Variants in RAD17 observed in about 807,000 individuals in gnomAD.
RAD17 encodes cell cycle checkpoint protein RAD17.
RAD17 carries 31 observed loss-of-function variants against 81.5 expected under a neutral mutation model. The ratio of observed to expected loss-of-function variants is 0.38; its 90% CI spans 0.29 to 0.51. RAD17 has a LOEUF of 0.51. RAD17 is among the 20% of genes least tolerant of loss of function. The probability of loss-of-function intolerance (pLI) is 0.88; values close to 1 mark genes in which losing one functional copy is unlikely to be tolerated. For missense variants in RAD17, 681 were observed against 781.2 expected (o/e 0.87, Z 1.53); for synonymous variants, 261 against 266.2 (o/e 0.98, Z 0.19).
chr5:69,406,925 A>G (rs999276015), intron 17 of RAD17, among the ~76,000 whole-genome samples: 2 of 152,032 alleles, frequency 1.3e-5, no homozygotes, highest in South Asian at 4.1e-4. Flanking sequence ...CTATATATAT[A>G]TTAAAACAAT....
intron 17 of RAD17, among the ~76,000 whole-genome samples, chr5:69,406,682 T>G (rs985653087): frequency 6.6e-6 from 1 of 151,976 alleles, no homozygotes; most frequent in Non-Finnish European, 1.5e-5. Flanking sequence ...TTTGTATTTT[T>G]TTTTTGTAAG....
At chr5:69,369,631 C>A (rs768535687), upstream of RAD17, 1 of 1,566,744 alleles carries the variant, frequency 6.4e-7, no homozygotes, top group Non-Finnish European at 8.7e-7. Context: ...CCTGCCCCGG[C>A]GGCCCAGCCG....
rs369510585 is a variant in RAD17, at chr5:69,381,922, A to G, written c.373A>G (p.Thr125Ala). The change falls in exon 7 of 19, where the codon ACA becomes GCA. Residue 125 changes from threonine (T) to alanine (A), a missense_variant. Physicochemically the swap from Thr to Ala is moderately conservative, Grantham distance 58. Transcript: ENST00000354868. The stretch of plus-strand genomic sequence containing the variant: ...TTAGGGTGGATCTATTTTATTAATA[A>G]CAGGTCCTCCTGGATGTGGAAAGAC... Reference protein sequence around the residue: ...PKQGGSILLITGPPGCGKTTT... With the variant: ...PKQGGSILLIAGPPGCGKTTT... 1.4e-5 allele frequency: 22 copies of G among 1,601,730 alleles called. No homozygotes were observed. Among genetic ancestry groups the G allele is most frequent in the East Asian group, 2.2e-5 (1 of 44,742 alleles).
At chr5:69,402,498 A>G (rs573891679) in intron 17 of RAD17, among the ~76,000 whole-genome samples, 1 of 152,158 alleles carries the variant, frequency 6.6e-6, no homozygotes, top group East Asian at 2.0e-4. Context: ...TACTAAAAAT[A>G]TAAAAAATCA....
At position 69,374,071 on chromosome 5, in the gene RAD17, A is replaced by G. The variant is rs991795563; in HGVS notation, c.251A>G (p.Tyr84Cys). 1 of 1,607,712 alleles carries G rather than the reference A, an allele frequency of 6.2e-7. No homozygotes were observed. The highest frequency in any genetic ancestry group is 8.5e-7 in the Non-Finnish European group (1 of 1,177,514). ...LSENEPWVDK[Y>C]KPETQHELAV... ...GAAAATGAACCATGGGTGGATAAAT[A>G]TAAACCAGAAACTCAGGTACTGAAA... The change falls in exon 5 of 19, where the codon TAT (tyrosine) becomes TGT (cysteine). Residue 84 changes from tyrosine (Y) to cysteine (C), a missense_variant. Physicochemically the swap from Tyr to Cys is radical, Grantham distance 194. Coordinates refer to ENST00000354868, the MANE Select transcript of RAD17 (RefSeq NM_133338.3).
At chr5:69,376,752 A>G (rs1482731005) in intron 6 of RAD17, among the ~76,000 whole-genome samples, 1 of 109,908 alleles carries the variant, frequency 9.1e-6, no homozygotes, top group Non-Finnish European at 1.9e-5. Flanking sequence ...ATGGTAACAG[A>G]TCCTTCTCTC....
chr5:69,411,057 T>C (rs894143003), intron 18 of RAD17, among the ~76,000 whole-genome samples: 2 of 147,496 alleles, frequency 1.4e-5, no homozygotes, highest in African/African-American at 5.0e-5. Flanking sequence ...ACAAAACTTA[T>C]ATTTCAGTTT....
chr5:69,380,771 CT>C (rs57357599), intron 6 of RAD17, among the ~76,000 whole-genome samples: 2,207 of 141,528 alleles, frequency 0.016, 46 homozygotes, highest in African/African-American at 0.051. Flanking sequence ...CTTTTTTTTC[CT>C]TTTTTTTTTT....
intron 16 of RAD17, among the ~76,000 whole-genome samples, chr5:69,398,473 A>G (rs947296086): frequency 6.6e-6 from 1 of 152,194 alleles, no homozygotes; most frequent in Non-Finnish European, 1.5e-5. Flanking sequence ...TTCAAAATGA[A>G]TTGCCAATCT....
intron 16 of RAD17, 23 bp downstream of exon 16, chr5:69,396,569 T>A: frequency 2.2e-6 from 3 of 1,343,208 alleles, no homozygotes; most frequent in African/African-American, 1.5e-5. Flanking sequence ...AAAAAAATTC[T>A]GTACTTTCAA....
At chr5:69,386,013 A>G (rs549270043) in intron 8 of RAD17, 30 bp from the exon 9 acceptor site, 2 of 1,498,384 alleles carry the variant, frequency 1.3e-6, no homozygotes, top group Admixed American at 2.3e-5. Context: ...GAATAAAACT[A>G]TACTATTATT....
intron 8 of RAD17, among the ~76,000 whole-genome samples, 188 bp downstream of exon 8, chr5:69,385,121 G>A (rs1309433058): frequency 2.0e-5 from 3 of 151,408 alleles, no homozygotes; most frequent in Non-Finnish European, 2.9e-5. Flanking sequence ...CACCACGCCC[G>A]GCTAATTTTT....
At chr5:69,407,562 G>GGTT (rs1765683671) in intron 17 of RAD17, among the ~76,000 whole-genome samples, 6 of 40,890 alleles carry the variant, frequency 1.5e-4, no homozygotes, top group Non-Finnish European at 2.5e-4. Flanking sequence ...CTATGTCCAA[G>GGTT]TTTTTTTTTT....
At chr5:69,392,748 A>G (rs1431170904) in intron 13 of RAD17, 1 of 435,444 alleles carries the variant, frequency 2.3e-6, no homozygotes, top group East Asian at 7.3e-5. Flanking sequence ...TCCCCAACAT[A>G]CGTTTATCGT....
rs770338515 is a variant in RAD17 at position 69,384,871 on chromosome 5, T to C, written c.583T>C (p.Tyr195His). 1.2e-5 allele frequency: 19 copies of C among 1,612,844 alleles called. No individual in the cohort carries two copies. The change falls in exon 8 of 19, where the codon TAT (tyrosine) becomes CAT (histidine). Residue 195 changes from tyrosine to histidine, a missense_variant. Coordinates refer to ENST00000354868, the MANE Select transcript of RAD17 (RefSeq NM_133338.3). ...AGAGTTTCTACTAAGAGCGACAAAG[T>C]ATAACAAGTTACAAATGCTTGGAGA... ...FKEFLLRATKYNKLQMLGDDL... is the reference protein window; with the variant it reads ...FKEFLLRATKHNKLQMLGDDL...
chr5:69,382,587 A>C (rs1210621475), intron 7 of RAD17, among the ~76,000 whole-genome samples: 3 of 152,180 alleles, frequency 2.0e-5, no homozygotes, highest in Non-Finnish European at 2.9e-5. Context: ...GCTTTTTTCT[A>C]AGATCTGGCT....
intron 17 of RAD17, among the ~76,000 whole-genome samples, chr5:69,400,379 G>A (rs568147698): frequency 1.3e-5 from 2 of 151,688 alleles, no homozygotes; most frequent in South Asian, 2.1e-4. Flanking sequence ...CCCCACACCT[G>A]GCTAATTTTT....
intron 6 of RAD17, among the ~76,000 whole-genome samples, chr5:69,377,650 C>T (rs1456142437): frequency 4.5e-5 from 1 of 22,360 alleles, no homozygotes; most frequent in African/African-American, 8.8e-5. Flanking sequence ...TATATATATG[C>T]ATATATATAT....
At position 69,384,781 on chromosome 5, in the gene RAD17, ATG is replaced by A; in HGVS notation, c.509-12_509-11del. The A allele has an allele frequency of 6.3e-7, 1 of 1,593,250 alleles. No individual in the cohort carries two copies. The highest frequency in any genetic ancestry group is 8.6e-7 in the Non-Finnish European group (1 of 1,169,300). ...TCATTTGTTGAAAATAAAAGTGGTT[ATG>A]TGTTTCCTTTCAGAATCAAGCTTCC... On this transcript the variant is annotated splice_polypyrimidine_tract_variant and intron_variant, in intron 7 of 18. Coordinates refer to ENST00000354868, the MANE Select transcript of RAD17 (RefSeq NM_133338.3).
Sources: gnomAD v4.1 joint callset for allele counts (sites outside exome capture counted in the v4.1 genomes callset) on GRCh38, gnomAD v4.1.1 for gene constraint, MANE v1.5 for transcripts, NCBI Gene and HGNC (gene_info 2026-07-23, HGNC 2026-07-21) for gene names.